The following CRPPA variants were observed in gnomAD, a reference collection of about 807,000 sequenced individuals.
CRPPA encodes D-ribitol-5-phosphate cytidylyltransferase.
Under a neutral mutation model 52.0 loss-of-function variants are expected in CRPPA, and 43 were observed. That is an observed-to-expected ratio of 0.83 (90% confidence interval 0.65 to 1.07). CRPPA has a LOEUF of 1.07. CRPPA is among the 50% of genes least tolerant of loss of function. CRPPA has a pLI of 0.00. For missense variants in CRPPA, 629 were observed against 551.7 expected (o/e 1.14, Z -1.40); for synonymous variants, 250 against 203.5 (o/e 1.23, Z -1.94).
intron 9 of CRPPA, among the ~76,000 whole-genome samples, chr7:16,121,539 C>T (rs1308755517): frequency 2.0e-5 from 3 of 151,984 alleles, no homozygotes; most frequent in Non-Finnish European, 2.9e-5. Flanking sequence ...CCCGAATTTG[C>T]AATATCCAGA....
chr7:16,277,658 T>G (rs1357826644), intron 6 of CRPPA, among the ~76,000 whole-genome samples: 1 of 152,182 alleles, frequency 6.6e-6, no homozygotes, highest in Admixed American at 6.5e-5. Context: ...TGCCTAGCCC[T>G]AATATTAGAT....
At chr7:16,384,362 T>C (rs1032671257) in intron 2 of CRPPA, among the ~76,000 whole-genome samples, 1 of 152,206 alleles carries the variant, frequency 6.6e-6, no homozygotes, top group African/African-American at 2.4e-5. Context: ...AAAGCTAAAC[T>C]GTAGGACAGT....
intron 2 of CRPPA, among the ~76,000 whole-genome samples, chr7:16,387,074 T>TATACAC (rs1787302941): frequency 5.7e-5 from 4 of 69,842 alleles, no homozygotes; most frequent in African/African-American, 3.0e-4. Flanking sequence ...TATATATATA[T>TATACAC]ATATATATAT....
intron 3 of CRPPA, among the ~76,000 whole-genome samples, chr7:16,335,506 T>A (rs959097583): frequency 1.3e-5 from 2 of 151,924 alleles, no homozygotes; most frequent in African/African-American, 4.8e-5. Context: ...ACCGAAAAAT[T>A]TGTTAGAAAG....
At chr7:16,093,058 G>T (rs566214274) in intron 9 of CRPPA, among the ~76,000 whole-genome samples, 1 of 152,276 alleles carries the variant, frequency 6.6e-6, no homozygotes, top group East Asian at 1.9e-4. Flanking sequence ...CAGTTTGGGT[G>T]AAGTGACTCT....
chr7:16,166,550 G>C (rs1781069567), intron 9 of CRPPA, among the ~76,000 whole-genome samples: 1 of 152,120 alleles, frequency 6.6e-6, no homozygotes, highest in Admixed American at 6.6e-5. Context: ...AAAATGCTAG[G>C]ATTACAAGTA....
At chr7:16,417,048 G>A (rs1182009983) in intron 1 of CRPPA, among the ~76,000 whole-genome samples, 5 of 151,876 alleles carry the variant, frequency 3.3e-5, no homozygotes, top group Admixed American at 2.0e-4. Flanking sequence ...ACAAACAAAC[G>A]TTCCACATCA....
rs767807698 is a variant in CRPPA, at chr7:16,133,460, T to C, written c.1252-41661A>G. ...GCATAAAATTAAGTGTAATACATAG[T>C]ATACTACTGTAATAATTTCATAGCC... On this transcript the variant is annotated intron_variant, in intron 9 of 9. Coordinates refer to ENST00000407010, the MANE Select transcript of CRPPA (RefSeq NM_001101426.4). Among the ~76,000 whole-genome samples the C allele has an allele frequency of 8.0e-5, 10 of 125,104 alleles. 3 individuals carry two copies. The highest frequency in any genetic ancestry group is 1.5e-4 in the Non-Finnish European group (8 of 54,950). 82.1% of individuals were successfully genotyped at this position (125,104 alleles called of 152,430 possible). A position where few individuals can be genotyped will look rare whatever the true frequency, so the allele number is the denominator to read the frequency against.
chr7:16,367,101 TG>T (rs1221415246), intron 3 of CRPPA, among the ~76,000 whole-genome samples: 2 of 152,218 alleles, frequency 1.3e-5, no homozygotes, highest in Non-Finnish European at 2.9e-5. Context: ...TTTCTTCATA[TG>T]TTCTTTCACT....
intron 9 of CRPPA, among the ~76,000 whole-genome samples, chr7:16,208,579 A>G (rs1014724654): frequency 6.6e-6 from 1 of 152,180 alleles, no homozygotes; most frequent in African/African-American, 2.4e-5. Context: ...GTGAGAGAGC[A>G]TGGCAGGCGG....
At chr7:16,251,478 TA>T (rs1783446813) in intron 8 of CRPPA, among the ~76,000 whole-genome samples, 1 of 152,124 alleles carries the variant, frequency 6.6e-6, no homozygotes, top group Non-Finnish European at 1.5e-5. Flanking sequence ...TAATTGGAAG[TA>T]AAACACTCCT....
intron 9 of CRPPA, among the ~76,000 whole-genome samples, chr7:16,158,357 G>A (rs530101561): frequency 3.9e-5 from 6 of 151,980 alleles, no homozygotes; most frequent in South Asian, 4.2e-4. Context: ...TAGGAACCCC[G>A]ATTCCAAACA....
chr7:16,273,454 G>A (rs1490717596), intron 6 of CRPPA, among the ~76,000 whole-genome samples: 2 of 151,958 alleles, frequency 1.3e-5, no homozygotes, highest in African/African-American at 4.8e-5. Flanking sequence ...CTTGAAGGTG[G>A]GACTTCAGAA....
chr7:16,382,756 T>C (rs1322383658), intron 2 of CRPPA, among the ~76,000 whole-genome samples: 2 of 152,132 alleles, frequency 1.3e-5, no homozygotes, highest in African/African-American at 4.8e-5. Context: ...CTTCCATCGC[T>C]GATACCCTTT....
chr7:16,353,311 C>A (rs946667197), intron 3 of CRPPA, among the ~76,000 whole-genome samples: 6 of 152,064 alleles, frequency 3.9e-5, no homozygotes, highest in African/African-American at 1.4e-4. Flanking sequence ...ATGACTGAGC[C>A]ACTGTACTCC....
At chr7:16,304,032 C>T (rs927565813) in intron 4 of CRPPA, among the ~76,000 whole-genome samples, 4 of 152,148 alleles carry the variant, frequency 2.6e-5, no homozygotes, top group African/African-American at 4.8e-5. Flanking sequence ...AACAAGATGT[C>T]TGTTCAATTA....
intron 8 of CRPPA, among the ~76,000 whole-genome samples, chr7:16,233,449 A>T (rs2128403711): frequency 6.6e-6 from 1 of 152,304 alleles, no homozygotes; most frequent in African/African-American, 2.4e-5. Flanking sequence ...GATAGGCATC[A>T]GAATCTTCAA....
intron 2 of CRPPA, among the ~76,000 whole-genome samples, chr7:16,397,231 C>T (rs1455950220): frequency 6.6e-6 from 1 of 152,202 alleles, no homozygotes; most frequent in African/African-American, 2.4e-5. Flanking sequence ...GTGATACGAA[C>T]ATAACATGTA....
chr7:16,277,572 T>C (rs927235066), intron 6 of CRPPA, among the ~76,000 whole-genome samples: 1 of 152,094 alleles, frequency 6.6e-6, no homozygotes, highest in Non-Finnish European at 1.5e-5. Flanking sequence ...GTCATAAAAA[T>C]GATTAATGGC....
Sources: gnomAD v4.1 joint callset for allele counts (sites outside exome capture counted in the v4.1 genomes callset) on GRCh38, gnomAD v4.1.1 for gene constraint, MANE v1.5 for transcripts, NCBI Gene and HGNC (gene_info 2026-07-23, HGNC 2026-07-21) for gene names.